The following CDH23 variants were observed in gnomAD, a reference collection of about 807,000 sequenced individuals.
CDH23 encodes cadherin-23.
Under a neutral mutation model 317.1 loss-of-function variants are expected in CDH23, and 189 were observed. The observed-to-expected ratio is 0.60, with a 90% confidence interval of 0.53 to 0.67. CDH23 has a LOEUF of 0.67. CDH23 is among the 30% of genes least tolerant of loss of function. CDH23 has a pLI of 0.00. For synonymous variants in CDH23, 1,839 were observed against 1,876.8 expected (o/e 0.98, Z 0.52); for missense variants, 4,401 against 4,592.4 (o/e 0.96, Z 1.20).
At chr10:71,484,801 T>C (rs1852254779) in intron 3 of CDH23, among the ~76,000 whole-genome samples, 1 of 152,190 alleles carries the variant, frequency 6.6e-6, no homozygotes, top group Non-Finnish European at 1.5e-5. Context: ...TTCCCTTCTA[T>C]TCCTAGTTTG....
intron 6 of CDH23, among the ~76,000 whole-genome samples, chr10:71,562,882 C>T (rs1325534382): frequency 6.6e-6 from 1 of 152,034 alleles, no homozygotes; most frequent in Non-Finnish European, 1.5e-5. Flanking sequence ...CTCGGCCTGT[C>T]ATGGTGCCCA....
At chr10:71,720,539 C>G (rs1326504361) in intron 28 of CDH23, among the ~76,000 whole-genome samples, 5 of 152,162 alleles carry the variant, frequency 3.3e-5, no homozygotes, top group Non-Finnish European at 5.9e-5. Context: ...TTGGCAGCTT[C>G]CCCACCAGGG....
intron 9 of CDH23, among the ~76,000 whole-genome samples, chr10:71,583,559 A>C (rs143890155): frequency 6.6e-6 from 1 of 152,276 alleles, no homozygotes; most frequent in East Asian, 1.9e-4. Flanking sequence ...CCAAGGGGGC[A>C]TGGAGGCCTT....
chr10:71,552,083 G>A (rs1856627703), intron 6 of CDH23, among the ~76,000 whole-genome samples: 1 of 152,254 alleles, frequency 6.6e-6, no homozygotes, highest in South Asian at 2.1e-4. Flanking sequence ...CGCTATGACT[G>A]TGGGCCAGGC....
intron 9 of CDH23, among the ~76,000 whole-genome samples, chr10:71,598,703 G>A (rs556186387): frequency 2.0e-5 from 3 of 152,380 alleles, no homozygotes; most frequent in South Asian, 2.1e-4. Flanking sequence ...AGCGGCCAGA[G>A]GCTTTGGAAA....
chr10:71,603,577 C>T (rs1860355083), intron 9 of CDH23, among the ~76,000 whole-genome samples: 1 of 152,210 alleles, frequency 6.6e-6, no homozygotes, highest in South Asian at 2.1e-4. Flanking sequence ...CTACCTGCCC[C>T]AGGCCCCGGA....
chr10:71,578,694 C>T lies in CDH23; in HGVS notation c.832+702C>T, dbSNP rs552806832. 7.5e-5 allele frequency among the ~76,000 whole-genome samples: 11 copies of T among 146,014 alleles called. No individual in the cohort carries two copies. The East Asian group carries it at 1.8e-3, about 24-fold the overall frequency. ...CTTGAGGATGTGGTGACAGGCTGCT[C>T]GCCCACAGACTCTGGCTCTGCCCAC... On this transcript the variant is annotated intron_variant, in intron 9 of 69. Coordinates refer to ENST00000224721, the MANE Select transcript of CDH23 (RefSeq NM_022124.6).
intron 1 of CDH23, among the ~76,000 whole-genome samples, chr10:71,424,929 A>C (rs1051168947): frequency 4.6e-5 from 7 of 152,138 alleles, no homozygotes; most frequent in African/African-American, 1.7e-4. Context: ...AGTGGGAGGA[A>C]GGGCATCTGG....
intron 27 of CDH23, among the ~76,000 whole-genome samples, chr10:71,710,944 C>A (rs938759429): frequency 6.6e-6 from 1 of 152,172 alleles, no homozygotes; most frequent in South Asian, 2.1e-4. Context: ...CCTTGAGGGC[C>A]CCAGAGGGGA....
At chr10:71,427,715 T>A (rs1849169354) in intron 1 of CDH23, among the ~76,000 whole-genome samples, 1 of 142,522 alleles carries the variant, frequency 7.0e-6, no homozygotes, top group African/African-American at 2.6e-5. Flanking sequence ...TATGCTTACT[T>A]TTTTTTTTTT....
intron 1 of CDH23, among the ~76,000 whole-genome samples, chr10:71,405,515 G>C (rs1018464609): frequency 2.0e-5 from 3 of 149,320 alleles, no homozygotes; most frequent in African/African-American, 5.0e-5. Context: ...TCGGCTCACT[G>C]CAACCGCCAC....
intron 11 of CDH23, among the ~76,000 whole-genome samples, chr10:71,633,627 C>G: frequency 6.6e-6 from 1 of 152,258 alleles, no homozygotes; most frequent in South Asian, 2.1e-4. Context: ...GACCCAAGAC[C>G]GGGCAGCTCC....
chr10:71,473,730 A>C (rs547000176), intron 3 of CDH23, among the ~76,000 whole-genome samples: 22 of 152,222 alleles, frequency 1.4e-4, no homozygotes, highest in Admixed American at 2.6e-4. Context: ...AATATTATGG[A>C]TGATGATTGT....
chr10:71,572,794 G>C (rs987279710), intron 8 of CDH23, among the ~76,000 whole-genome samples: 1 of 152,208 alleles, frequency 6.6e-6, no homozygotes, highest in Admixed American at 6.5e-5. Context: ...AGTCTCGCCT[G>C]TAATGTTACC....
At chr10:71,646,013 G>A (rs1862833664) in intron 13 of CDH23, 33 bp downstream of exon 13, 2 of 1,596,702 alleles carry the variant, frequency 1.3e-6, no homozygotes, top group African/African-American at 1.4e-5. Flanking sequence ...TTTGGAGTGG[G>A]GTGGGGGGTG....
intron 66 of CDH23, 50 bp downstream of exon 66, chr10:71,812,065 G>T: frequency 6.2e-7 from 1 of 1,613,762 alleles, no homozygotes. Context: ...GTCCTGCCAG[G>T]ACCCAGCTGG....
chr10:71,400,085 C>T (rs1373709522), intron 1 of CDH23, among the ~76,000 whole-genome samples: 1 of 152,204 alleles, frequency 6.6e-6, no homozygotes, highest in Non-Finnish European at 1.5e-5. Context: ...CTGACCCCAG[C>T]CTGGACTGGA....
At chr10:71,778,138 G>A (rs1202682979) in intron 39 of CDH23, 51 bp from the exon 40 acceptor site, 2 of 1,608,482 alleles carry the variant, frequency 1.2e-6, no homozygotes, top group Non-Finnish European at 1.7e-6. Context: ...AGAGGGTGCT[G>A]CAGACCTACC....
intron 3 of CDH23, among the ~76,000 whole-genome samples, chr10:71,446,729 CT>C (rs1850189017): frequency 6.6e-6 from 1 of 152,174 alleles, no homozygotes; most frequent in Non-Finnish European, 1.5e-5. Flanking sequence ...TTGTAATTTT[CT>C]GTGATTACTA....
Sources: gnomAD v4.1 joint callset for allele counts (sites outside exome capture counted in the v4.1 genomes callset) on GRCh38, gnomAD v4.1.1 for gene constraint, MANE v1.5 for transcripts, NCBI Gene and HGNC (gene_info 2026-07-23, HGNC 2026-07-21) for gene names.